Variants in CARS2 observed in about 807,000 individuals in gnomAD.
CARS2 encodes probable cysteine--tRNA ligase, mitochondrial.
In CARS2, 52 loss-of-function variants were observed where a neutral mutation model predicts 68.8. The ratio of observed to expected loss-of-function variants is 0.76; its 90% CI spans 0.61 to 0.95. CARS2 has a LOEUF of 0.95. Among genes scored for constraint, CARS2 ranks in the 40% least tolerant of loss-of-function variants. The pLI, the probability that CARS2 is intolerant of heterozygous loss-of-function variation, is 0.00. For synonymous variants in CARS2, 314 were observed against 303.6 expected, an observed-to-expected ratio of 1.03 and a Z score of -0.36; for missense variants, 780 against 754.2, an observed-to-expected ratio of 1.03 and a Z score of -0.40.
chr13:110,688,107 G>A (rs1291833699), intron 3 of CARS2, 89 bp from the exon 4 acceptor site: 4 of 817,826 alleles, frequency 4.9e-6, no homozygotes, highest in African/African-American at 1.7e-5. Flanking sequence ...TGCACAACAC[G>A]ACAGCAAACA....
intron 3 of CARS2, among the ~76,000 whole-genome samples, chr13:110,701,154 C>A (rs189827674): frequency 7.2e-4 from 109 of 152,294 alleles, no homozygotes; most frequent in African/African-American, 2.4e-3. Flanking sequence ...CCTTCGCCCC[C>A]CCAGGGTCAA....
intron 10 of CARS2, 59 bp downstream of exon 10, chr13:110,650,975 T>G: frequency 7.7e-7 from 1 of 1,292,398 alleles, no homozygotes; most frequent in Non-Finnish European, 1.1e-6. Context: ...TTTTCAGTCC[T>G]GTCAGAATGA....
At chr13:110,674,814 C>T (rs1215652078) in intron 7 of CARS2, among the ~76,000 whole-genome samples, 3 of 152,174 alleles carry the variant, frequency 2.0e-5, no homozygotes, top group African/African-American at 7.2e-5. Context: ...ACCCATCTGA[C>T]AAAGGGCTAA....
chr13:110,651,884 G>C (rs1419293837), intron 9 of CARS2, among the ~76,000 whole-genome samples: 1 of 152,246 alleles, frequency 6.6e-6, no homozygotes, highest in African/African-American at 2.4e-5. Flanking sequence ...TGAGATGAGT[G>C]GGGGAGAGAA....
intron 3 of CARS2, among the ~76,000 whole-genome samples, chr13:110,692,054 A>C (rs554838110): frequency 7.1e-6 from 1 of 140,964 alleles, no homozygotes; most frequent in East Asian, 2.0e-4. Flanking sequence ...ATATACACAT[A>C]TACATATATA....
chr13:110,687,500 T>G (rs1566727935), intron 5 of CARS2, among the ~76,000 whole-genome samples: 1 of 151,782 alleles, frequency 6.6e-6, no homozygotes, highest in Non-Finnish European at 1.5e-5. Flanking sequence ...AAACCTTATC[T>G]CTACTAAAAA....
upstream of CARS2, among the ~76,000 whole-genome samples, chr13:110,706,666 C>G (rs1327744630): frequency 6.7e-6 from 1 of 149,092 alleles, no homozygotes; most frequent in Admixed American, 6.7e-5. Flanking sequence ...TGCAGCACAC[C>G]GTTAGCATCC....
At chr13:110,679,676 GA>G in intron 6 of CARS2, among the ~76,000 whole-genome samples, 1 of 121,162 alleles carries the variant, frequency 8.3e-6, no homozygotes, top group Admixed American at 8.4e-5. Context: ...GGGAGGGAGG[GA>G]GGGAGGGAAA....
At chr13:110,694,568 C>T (rs564648151) in intron 3 of CARS2, among the ~76,000 whole-genome samples, 1 of 151,754 alleles carries the variant, frequency 6.6e-6, no homozygotes, top group Admixed American at 6.6e-5. Flanking sequence ...GCCTGGGAGG[C>T]GGAGGTTGCG....
rs1464734976 is a variant in CARS2 at position 110,663,465 on chromosome 13, A to G, written c.973T>C (p.Tyr325His). ...AAGCACGTTACCTTAATAGTAATGT[A>G]GTTCTTTAATGATTTGGACATTTTT... is the stretch of plus-strand genomic sequence containing the variant. ...EEKMSKSLKN[Y>H]ITIKDFLKTF... Residue 325 changes from tyrosine (Y) to histidine (H), a missense_variant, in exon 9 of 15, where the codon TAC (tyrosine) becomes CAC (histidine). Physicochemically the swap from Tyr to His is moderately conservative, Grantham distance 83. Coordinates refer to ENST00000257347, the MANE Select transcript of CARS2 (RefSeq NM_024537.4). 9 of 1,613,660 alleles carry G rather than the reference A, an allele frequency of 5.6e-6. No homozygotes were observed. The highest frequency in any genetic ancestry group is 7.6e-6 in the Non-Finnish European group (9 of 1,179,818).
At chr13:110,669,002 G>C (rs1439258612) in intron 7 of CARS2, among the ~76,000 whole-genome samples, 1 of 152,132 alleles carries the variant, frequency 6.6e-6, no homozygotes, top group Non-Finnish European at 1.5e-5. Context: ...ATTAAGTATT[G>C]ATAAACACAT....
chr13:110,703,023 A>G (rs545594897), intron 2 of CARS2, among the ~76,000 whole-genome samples: 2 of 152,156 alleles, frequency 1.3e-5, no homozygotes, highest in African/African-American at 4.8e-5. Context: ...TCTGGGCCAG[A>G]CCACGCAGCA....
chr13:110,665,572 C>T lies in CARS2; in HGVS notation c.919+1768G>A. On this transcript the variant is annotated intron_variant, in intron 8 of 14. Transcript: ENST00000257347. This position sits in a 1 kb window ranked among gnomAD's most constrained non-coding sequence, Gnocchi z 4.3. ...GCACAGCTAAGGCTGCCCTTCTTGC[C>T]CCCCAGCTCCACACTCGCAGAAGGG... 2 of 985,444 alleles carry T rather than the reference C, an allele frequency of 2.0e-6. No individual in the cohort carries two copies. The highest frequency in any genetic ancestry group is 2.4e-6 in the Non-Finnish European group (2 of 829,974). 61.0% of individuals were successfully genotyped at this position (985,444 alleles called of 1,614,324 possible). A position where few individuals can be genotyped will look rare whatever the true frequency, so the allele number is the denominator to read the frequency against.
chr13:110,641,557 C>T lies in CARS2; in HGVS notation c.1675G>A (p.Asp559Asn). The change falls in exon 15 of 15, where the codon GAC becomes AAC. Residue 559 changes from aspartate to asparagine, a missense_variant. Coordinates refer to ENST00000257347, the MANE Select transcript of CARS2 (RefSeq NM_024537.4). ...CATCCTCAGCCCGCTGATTTTTGGT[C>T]TTTTGTCCTTTGATCCAGCAGTTCC... ...TWELLDQRTK[D>N]QKSAG 2 of 1,614,046 alleles carry T rather than the reference C, an allele frequency of 1.2e-6. No homozygotes were observed. Among genetic ancestry groups the T allele is most frequent in the Non-Finnish European group, 1.7e-6 (2 of 1,179,946 alleles).
chr13:110,682,004 G>A (rs7339424), intron 6 of CARS2, among the ~76,000 whole-genome samples: 151,608 of 152,214 alleles, frequency 1, 75,504 homozygotes, highest in Non-Finnish European at 1. Flanking sequence ...GAAACATGTC[G>A]CTATACATTC....
intron 2 of CARS2, among the ~76,000 whole-genome samples, chr13:110,704,769 A>G (rs1166213829): frequency 6.6e-6 from 1 of 152,242 alleles, no homozygotes; most frequent in Non-Finnish European, 1.5e-5. Flanking sequence ...GAGTAAATGT[A>G]ACTTTTTACT....
intron 8 of CARS2, chr13:110,664,755 C>CTG: frequency 1.4e-5 from 8 of 572,688 alleles, no homozygotes; most frequent in Non-Finnish European, 1.8e-5. Flanking sequence ...AAGGCAGGGC[C>CTG]TGTGGGAGGT....
intron 2 of CARS2, among the ~76,000 whole-genome samples, chr13:110,701,834 T>C (rs1310115280): frequency 1.3e-5 from 2 of 152,268 alleles, no homozygotes; most frequent in Non-Finnish European, 2.9e-5. Flanking sequence ...AGTTGAAGTC[T>C]ATTTAATTGT....
At position 110,676,743 on chromosome 13, in the gene CARS2, C is replaced by A. The variant is rs73616053; in HGVS notation, c.785+231G>T. Among the ~76,000 whole-genome samples, 2,737 of 152,262 alleles carry A rather than the reference C, an allele frequency of 0.018. 108 individuals are homozygous for A. The highest frequency in any genetic ancestry group is 0.062 in the African/African-American group (2,584 of 41,536). On this transcript the variant is annotated intron_variant, in intron 7 of 14. Coordinates refer to ENST00000257347, the MANE Select transcript of CARS2 (RefSeq NM_024537.4). The surrounding 1 kb of genome is among the most constrained non-coding windows in gnomAD (Gnocchi z 4.0). ...GCAGCTGCAAGTGTGAACCAAAAAG[C>A]AGCCTCTCCACTAAACAGAGGAAGT...
Sources: allele counts gnomAD v4.1 joint callset (sites outside exome capture counted in the v4.1 genomes callset), GRCh38; gene constraint gnomAD v4.1.1; non-coding constraint Gnocchi (gnomAD v3.1); transcripts MANE v1.5; gene names NCBI Gene and HGNC (gene_info 2026-07-23, HGNC 2026-07-21).